Variants in PLEKHG1 observed in about 807,000 individuals in gnomAD.
PLEKHG1 encodes pleckstrin homology and RhoGEF domain containing G1.
In PLEKHG1, 44 loss-of-function variants were observed where a neutral mutation model predicts 100.8. That is an observed-to-expected ratio of 0.44 (90% confidence interval 0.34 to 0.56). PLEKHG1 has a LOEUF of 0.56. Ranked by LOEUF, PLEKHG1 falls within the 20% of genes least tolerant of loss-of-function variation. The pLI is 0.01. For missense variants in PLEKHG1, 1,545 were observed against 1,720.9 expected, an observed-to-expected ratio of 0.90 and a Z score of 1.81; for synonymous variants, 640 against 662.5, an observed-to-expected ratio of 0.97 and a Z score of 0.52.
chr6:150,702,557 GGTGTGTGTGTGTGTGTGTGT>G (rs56768740), intron 3 of PLEKHG1, among the ~76,000 whole-genome samples: 2 of 142,918 alleles, frequency 1.4e-5, no homozygotes, highest in South Asian at 2.2e-4. Flanking sequence ...TTTGTTTTGG[GGTGTGTGTGTGTGTGTGTGT>G]GTGTGTGTGT....
chr6:150,817,895 G>A (rs75957217), intron 10 of PLEKHG1, among the ~76,000 whole-genome samples: 4,238 of 151,866 alleles, frequency 0.028, 228 homozygotes, highest in African/African-American at 0.097. Context: ...TGGCCAATGA[G>A]TGCTGATGAT....
At chr6:150,715,978 G>A (rs1781416777) in intron 3 of PLEKHG1, among the ~76,000 whole-genome samples, 1 of 148,728 alleles carries the variant, frequency 6.7e-6, no homozygotes, top group African/African-American at 2.5e-5. Context: ...CGTGGTGGCG[G>A]GCGCCTGTAG....
chr6:150,832,183 G>A (rs757921811), exon 15 of PLEKHG1: 1 of 1,600,908 alleles, frequency 6.2e-7, no homozygotes, highest in Non-Finnish European at 8.5e-7. Context: ...TGGAAGAGAA[G>A]AAGCAAGGAG....
intron 3 of PLEKHG1, among the ~76,000 whole-genome samples, chr6:150,655,967 G>A (rs1778954120): frequency 6.6e-6 from 1 of 152,022 alleles, no homozygotes; most frequent in Non-Finnish European, 1.5e-5. Context: ...GGCCAGGAGA[G>A]GTATAGCATT....
intron 1 of PLEKHG1, among the ~76,000 whole-genome samples, chr6:150,634,966 A>G (rs1777929967): frequency 6.6e-6 from 1 of 152,254 alleles, no homozygotes; most frequent in African/African-American, 2.4e-5. Context: ...ACTTAAAACA[A>G]TCCAGGTGTT....
chr6:150,798,583 A>AC (rs1357611403), intron 5 of PLEKHG1, among the ~76,000 whole-genome samples: 1 of 152,152 alleles, frequency 6.6e-6, no homozygotes, highest in Non-Finnish European at 1.5e-5. Context: ...AGCAAACAAT[A>AC]CCCTTGCCTT....
intron 3 of PLEKHG1, among the ~76,000 whole-genome samples, chr6:150,705,929 AG>A (rs1389105280): frequency 1.3e-5 from 2 of 152,158 alleles, no homozygotes; most frequent in Non-Finnish European, 2.9e-5. Context: ...TAATGCCTCT[AG>A]GTGCCGTCTT....
intron 3 of PLEKHG1, among the ~76,000 whole-genome samples, chr6:150,701,466 T>TATATATAA (rs1212311635): frequency 2.3e-4 from 19 of 84,200 alleles, no homozygotes; most frequent in African/African-American, 8.2e-4. Context: ...TATATATATA[T>TATATATAA]AATTATACTT....
intron 13 of PLEKHG1, among the ~76,000 whole-genome samples, chr6:150,821,625 A>C (rs1040360420): frequency 1.3e-5 from 2 of 152,012 alleles, no homozygotes; most frequent in African/African-American, 4.8e-5. Flanking sequence ...CAGAGGTTGC[A>C]GTGAGCCGAG....
intron 13 of PLEKHG1, 121 bp downstream of exon 14, chr6:150,821,354 G>C (rs926222136): frequency 1.4e-6 from 1 of 721,538 alleles, no homozygotes; most frequent in Non-Finnish European, 2.4e-6. Context: ...ATTACAAAAA[G>C]ATTAACTTCT....
chr6:150,603,699 A>C (rs1776465794), intron 1 of PLEKHG1, among the ~76,000 whole-genome samples: 1 of 152,018 alleles, frequency 6.6e-6, no homozygotes, highest in Non-Finnish European at 1.5e-5. Flanking sequence ...CAAAACCAAA[A>C]ACACTTTTTC....
chr6:150,746,876 C>G (rs1783193162), intron 2 of PLEKHG1, among the ~76,000 whole-genome samples: 1 of 152,186 alleles, frequency 6.6e-6, no homozygotes, highest in Non-Finnish European at 1.5e-5. Context: ...ATGGACATAA[C>G]TAGGTGAGTT....
rs141519722 is a variant in PLEKHG1, at chr6:150,671,059, C to T, written c.-99+20273C>T. On this transcript the variant is annotated intron_variant, in intron 3 of 3. Transcript: ENST00000367326. ...GGTCACTGCAAATGCTGTTAATTCA[C>T]TCCTTTTTATGGTTACATAGTATTC... Among the ~76,000 whole-genome samples, 1,274 of 150,670 alleles carry T rather than the reference C, an allele frequency of 8.5e-3. 16 individuals are homozygous for T. The highest frequency in any genetic ancestry group is 0.03 in the African/African-American group (1,204 of 40,602).
chr6:150,641,143 G>A (rs1040583292), intron 2 of PLEKHG1, among the ~76,000 whole-genome samples: 6 of 152,136 alleles, frequency 3.9e-5, no homozygotes, highest in Admixed American at 3.3e-4. Context: ...TATCTTGGCT[G>A]AACATGCACA....
chr6:150,710,316 G>GC (rs1272740475), intron 3 of PLEKHG1, among the ~76,000 whole-genome samples: 1 of 152,182 alleles, frequency 6.6e-6, no homozygotes, highest in African/African-American at 2.4e-5. Flanking sequence ...ACTGCCCCCA[G>GC]CCGTCAGTCT....
At chr6:150,766,505 C>T (rs1401512320) in intron 2 of PLEKHG1, among the ~76,000 whole-genome samples, 2 of 152,222 alleles carry the variant, frequency 1.3e-5, no homozygotes, top group African/African-American at 2.4e-5. Flanking sequence ...AAAAGATGTA[C>T]TTATGATCAG....
chr6:150,701,994 A>G (rs1433996723), intron 3 of PLEKHG1, among the ~76,000 whole-genome samples: 3 of 152,232 alleles, frequency 2.0e-5, no homozygotes, highest in East Asian at 1.9e-4. Context: ...GTTAAAATCT[A>G]TGATCATACA....
chr6:150,703,879 A>C (rs1292192547), intron 3 of PLEKHG1, among the ~76,000 whole-genome samples: 1 of 152,198 alleles, frequency 6.6e-6, no homozygotes, highest in Admixed American at 6.5e-5. Context: ...GCAGAATTTC[A>C]TGTGGCATTT....
chr6:150,700,600 C>G (rs1182752801), intron 3 of PLEKHG1, among the ~76,000 whole-genome samples: 1 of 152,240 alleles, frequency 6.6e-6, no homozygotes, highest in Non-Finnish European at 1.5e-5. Flanking sequence ...TCGAGATTCT[C>G]TAATTCTGTA....
Sources: gnomAD v4.1 joint callset for allele counts (sites outside exome capture counted in the v4.1 genomes callset) on GRCh38, gnomAD v4.1.1 for gene constraint, MANE v1.5 for transcripts, NCBI Gene and HGNC (gene_info 2026-07-23, HGNC 2026-07-21) for gene names.